The following JCAD variants were observed in gnomAD, a reference collection of about 807,000 sequenced individuals.
JCAD encodes junctional cadherin 5-associated protein.
JCAD carries 40 observed loss-of-function variants against 98.0 expected under a neutral mutation model. That is an observed-to-expected ratio of 0.41 (90% CI 0.32 to 0.53). JCAD has a LOEUF of 0.53. JCAD is among the 20% of genes least tolerant of loss of function. JCAD has a pLI of 0.31. For synonymous variants in JCAD, 691 were observed against 682.3 expected (o/e 1.01, Z -0.20); for missense variants, 1,705 against 1,738.1 (o/e 0.98, Z 0.34).
At chr10:30,114,744 T>G (rs1046421964) in intron 1 of JCAD, among the ~76,000 whole-genome samples, 3 of 152,074 alleles carry the variant, frequency 2.0e-5, no homozygotes, top group Non-Finnish European at 4.4e-5. Flanking sequence ...TCTCTAATGA[T>G]GTATCACTTA....
Position 30,039,807 on chromosome 10 carries a change from G to A in JCAD, c.281+7725C>T, listed in dbSNP as rs181540452. ...GCGTGGGTTTAAAGGCCAACACCAC[G>A]GCTGTCCAGTGGAACGCTGTCGGCA... On this transcript the variant is annotated intron_variant, in intron 2 of 3. Transcript: ENST00000375377. Among the ~76,000 whole-genome samples the A allele has an allele frequency of 4.6e-5, 7 of 152,074 alleles. No individual in the cohort carries two copies. The East Asian group carries it at 1.4e-3, about 30-fold the overall frequency.
At chr10:30,083,044 A>G (rs1309843687) in intron 1 of JCAD, among the ~76,000 whole-genome samples, 6 of 151,202 alleles carry the variant, frequency 4.0e-5, no homozygotes, top group African/African-American at 1.2e-4. Flanking sequence ...AAAAGCAAAC[A>G]AACAGAAAAA....
intron 1 of JCAD, among the ~76,000 whole-genome samples, chr10:30,055,542 G>A (rs1219493407): frequency 6.6e-6 from 1 of 152,070 alleles, no homozygotes. Context: ...ATTAAATAAC[G>A]CAACAGTCCC....
intron 3 of JCAD, among the ~76,000 whole-genome samples, chr10:30,025,338 C>T (rs1442611596): frequency 6.6e-6 from 1 of 151,184 alleles, no homozygotes; most frequent in Admixed American, 6.6e-5. Flanking sequence ...GCCAATATGG[C>T]GAAACCCCAT....
chr10:30,100,027 G>A (rs1047419373), intron 1 of JCAD, among the ~76,000 whole-genome samples: 7 of 152,076 alleles, frequency 4.6e-5, no homozygotes, highest in Admixed American at 1.3e-4. Flanking sequence ...TAGCCTGTGC[G>A]GTCTAACCCT....
At chr10:30,046,860 G>A (rs900108859) in intron 2 of JCAD, among the ~76,000 whole-genome samples, 13 of 152,206 alleles carry the variant, frequency 8.5e-5, no homozygotes, top group African/African-American at 3.1e-4. Flanking sequence ...GGGAGGCTGA[G>A]GTGGGAGGAC....
intron 1 of JCAD, among the ~76,000 whole-genome samples, chr10:30,109,514 C>CT (rs1227428134): frequency 1.3e-5 from 2 of 151,946 alleles, no homozygotes; most frequent in Non-Finnish European, 2.9e-5. Context: ...AATCTTGTTG[C>CT]TTTTTTTTCC....
chr10:30,027,048 G>C lies in JCAD; in HGVS notation c.3100C>G (p.Leu1034Val). The change falls in exon 3 of 4, where the codon CTG (leucine) becomes GTG (valine). Residue 1034 changes from leucine (L) to valine (V), a missense_variant. Leu to Val is a conservative substitution (Grantham distance 32). Around this residue, in one of 3 missense-constraint regions of JCAD, gnomAD observed 1,278 missense variants for 1,243.1 expected, o/e 1.03. Transcript: ENST00000375377. ...SGGERGAGLP[L>V]SLSNKNRGLS... The stretch of plus-strand genomic sequence containing the variant: ...CCTCGGTTCTTGTTAGACAGGGACA[G>C]TGGGAGCCCTGCCCCCCTCTCTCCA... 1 of 1,614,220 alleles carries C rather than the reference G, an allele frequency of 6.2e-7. No homozygotes were observed. The highest frequency in any genetic ancestry group is 8.5e-7 in the Non-Finnish European group (1 of 1,180,038).
chr10:30,042,033 A>G (rs1439597845), intron 2 of JCAD, among the ~76,000 whole-genome samples: 3 of 152,036 alleles, frequency 2.0e-5, no homozygotes, highest in Non-Finnish European at 4.4e-5. Flanking sequence ...ATGGCCTGTG[A>G]GTCTTTTCCT....
At chr10:30,075,661 A>G (rs779293191) in intron 1 of JCAD, among the ~76,000 whole-genome samples, 1 of 152,210 alleles carries the variant, frequency 6.6e-6, no homozygotes, top group East Asian at 1.9e-4. Flanking sequence ...AGAAATGCCA[A>G]ACATCAAACA....
At chr10:30,038,688 TAAAAAA>T (rs11402293) in intron 2 of JCAD, among the ~76,000 whole-genome samples, 28 of 122,014 alleles carry the variant, frequency 2.3e-4, no homozygotes, top group African/African-American at 7.9e-4. Flanking sequence ...TGTCTCAAAA[TAAAAAA>T]AAAAAAAAAA....
chr10:30,032,281 C>A (rs1403490759), intron 2 of JCAD, among the ~76,000 whole-genome samples: 1 of 152,256 alleles, frequency 6.6e-6, no homozygotes, highest in Non-Finnish European at 1.5e-5. Flanking sequence ...GCTCAGGGCC[C>A]ATCTCCAAAT....
At position 30,047,756 on chromosome 10, in the gene JCAD, G is replaced by A. The variant is rs778946709; in HGVS notation, c.57C>T (p.Pro19=). 16 of 1,614,188 alleles carry A rather than the reference G, an allele frequency of 9.9e-6. No individual in the cohort carries two copies. In the South Asian group the frequency reaches 1.6e-4, roughly 17 times the overall value. ...TGGGGTTATCCTCGCGTGATGCTGG[G>A]GGGTCTCTTGACAGCTTGTATCCAT... ...ISHGYKLSRD[P]PASREDNPKG... The change falls in exon 2 of 4, where the codon CCC becomes CCT. Residue 19 remains proline, a synonymous_variant. Coordinates refer to ENST00000375377, the MANE Select transcript of JCAD (RefSeq NM_020848.4).
chr10:30,079,158 A>T (rs1458205941), intron 1 of JCAD, among the ~76,000 whole-genome samples: 1 of 151,970 alleles, frequency 6.6e-6, no homozygotes, highest in Admixed American at 6.6e-5. Flanking sequence ...TCAGGAGATG[A>T]GACCACGGTG....
intron 1 of JCAD, among the ~76,000 whole-genome samples, chr10:30,048,640 C>T (rs1360765883): frequency 6.6e-6 from 1 of 151,988 alleles, no homozygotes; most frequent in Non-Finnish European, 1.5e-5. Context: ...ATCTCGACTG[C>T]CTGCAACCTC....
intron 1 of JCAD, among the ~76,000 whole-genome samples, chr10:30,089,963 G>C (rs1838235063): frequency 6.6e-6 from 1 of 152,226 alleles, no homozygotes; most frequent in East Asian, 1.9e-4. Context: ...AAGAATGTGT[G>C]TGTCCATACA....
At position 30,025,246 on chromosome 10, in the gene JCAD, A is replaced by C. The variant is rs191801085; in HGVS notation, c.4045+857T>G. 7.2e-3 allele frequency among the ~76,000 whole-genome samples: 1,093 copies of C among 151,412 alleles called. 14 individuals are homozygous for C. The highest frequency in any genetic ancestry group is 0.042 in the South Asian group (198 of 4,686). ...AAAAGGCTTGGACTGGGCCGGGCTC[A>C]GTGGTTCACGCCTGTAATCCTGGCA... On this transcript the variant is annotated intron_variant, in intron 3 of 3. Coordinates refer to ENST00000375377, the MANE Select transcript of JCAD (RefSeq NM_020848.4).
intron 1 of JCAD, among the ~76,000 whole-genome samples, chr10:30,092,058 A>T (rs1434631490): frequency 0.042 from 964 of 22,876 alleles, 97 homozygotes; most frequent in African/African-American, 0.16. Context: ...AAAAAAAAAA[A>T]AAAAAAATAT....
At position 30,028,174 on chromosome 10, in the gene JCAD, GTCT is replaced by G. The variant is rs778572616; in HGVS notation, c.1971_1973del (p.Glu657del). 5.6e-6 allele frequency: 9 copies of G among 1,614,086 alleles called. No individual in the cohort carries two copies. The Admixed American group carries it at 6.7e-5, about 12-fold the overall frequency. On this transcript the variant is annotated inframe_deletion, in exon 3 of 4. Transcript: ENST00000375377. ...TGAAACTGAGGTCATTTGTTTGTCT[GTCT>G]TCTTCTGGTTCCCCTAGATCTTGTT...
Sources: gnomAD v4.1 joint callset for allele counts (sites outside exome capture counted in the v4.1 genomes callset) on GRCh38, gnomAD v4.1.1 for gene constraint, gnomAD v4.1.1 regional missense constraint, MANE v1.5 for transcripts, NCBI Gene and HGNC (gene_info 2026-07-23, HGNC 2026-07-21) for gene names.